Variants in PTPRN2 observed in about 807,000 individuals in gnomAD.
PTPRN2 encodes the protein receptor-type tyrosine-protein phosphatase N2.
PTPRN2 carries 74 observed loss-of-function variants against 118.8 expected under a neutral mutation model. That is an observed-to-expected ratio of 0.62 (90% CI 0.52 to 0.76). PTPRN2 has a LOEUF of 0.76. PTPRN2 is among the 30% of genes least tolerant of loss of function. PTPRN2 has a pLI of 0.00. For missense variants in PTPRN2, 1,481 were observed against 1,394.4 expected (o/e 1.06, Z -0.99); for synonymous variants, 641 against 608.0 (o/e 1.05, Z -0.80).
At chr7:157,595,001 A>G (rs1267956716) in intron 17 of PTPRN2, among the ~76,000 whole-genome samples, 1 of 152,226 alleles carries the variant, frequency 6.6e-6, no homozygotes, top group East Asian at 1.9e-4. Flanking sequence ...AAAGTGGCTT[A>G]AAAGTAATGA....
chr7:158,239,270 A>G (rs1795760608), intron 3 of PTPRN2, among the ~76,000 whole-genome samples: 1 of 152,210 alleles, frequency 6.6e-6, no homozygotes, highest in Admixed American at 6.5e-5. Flanking sequence ...TGTGCAGGGA[A>G]GAGTCAGCAG....
At chr7:158,110,114 G>A (rs1034791770) in intron 10 of PTPRN2, among the ~76,000 whole-genome samples, 8 of 152,206 alleles carry the variant, frequency 5.3e-5, no homozygotes, top group East Asian at 1.9e-4. Flanking sequence ...AGCCCGGGCC[G>A]GCCTCTTGTC....
At chr7:157,781,161 C>T (rs777863682) in intron 12 of PTPRN2, among the ~76,000 whole-genome samples, 10 of 152,210 alleles carry the variant, frequency 6.6e-5, no homozygotes, top group Non-Finnish European at 1.5e-4. Context: ...TGCCACAGCC[C>T]TGACCCCACA....
chr7:158,279,730 G>A (rs891654081), intron 3 of PTPRN2, among the ~76,000 whole-genome samples: 1 of 152,104 alleles, frequency 6.6e-6, no homozygotes, highest in African/African-American at 2.4e-5. Flanking sequence ...ACACCTCCCC[G>A]CAAGCAGAGG....
intron 14 of PTPRN2, among the ~76,000 whole-genome samples, chr7:157,649,462 C>T (rs199958431): frequency 5.1e-5 from 6 of 117,824 alleles, no homozygotes; most frequent in Admixed American, 8.9e-5. Flanking sequence ...ACCCATCTAG[C>T]GTGCACTGAA....
chr7:157,616,937 G>T (rs1802810404), intron 15 of PTPRN2: 1 of 152,156 alleles, frequency 6.6e-6, no homozygotes, highest in African/African-American at 2.4e-5. Flanking sequence ...TAGCCAAAGT[G>T]CTTCAGCCCT....
At position 157,800,374 on chromosome 7, in the gene PTPRN2, C is replaced by T. The variant is rs537037621; in HGVS notation, c.1788+98299G>A. 2.6e-4 allele frequency among the ~76,000 whole-genome samples: 40 copies of T among 152,344 alleles called. No individual in the cohort carries two copies. The Middle Eastern group carries it at 0.01, about 39-fold the overall frequency. On this transcript the variant is annotated intron_variant, in intron 12 of 22. Transcript: ENST00000389418. ...ATTACCCGGTCACTATAGTGCCTGT[C>T]CCTTCTCCGCGACAAGGGGACCCCT...
At chr7:157,860,378 C>G (rs1442059731) in intron 12 of PTPRN2, among the ~76,000 whole-genome samples, 2 of 152,248 alleles carry the variant, frequency 1.3e-5, no homozygotes, top group Non-Finnish European at 2.9e-5. Context: ...CTTCGCGCCT[C>G]TCCAGGAGCT....
chr7:157,545,502 T>A (rs1798270111), intron 22 of PTPRN2, among the ~76,000 whole-genome samples: 1 of 151,944 alleles, frequency 6.6e-6, no homozygotes. Flanking sequence ...TGTGCAGGTG[T>A]GTGGGTGTAC....
At chr7:158,387,732 C>T (rs997468191) in intron 2 of PTPRN2, among the ~76,000 whole-genome samples, 2 of 152,130 alleles carry the variant, frequency 1.3e-5, no homozygotes, top group African/African-American at 2.4e-5. Flanking sequence ...AGAGCCAGGG[C>T]GAAGTTTCCT....
At chr7:158,091,701 G>A (rs2128945360) in intron 10 of PTPRN2, among the ~76,000 whole-genome samples, 1 of 145,612 alleles carries the variant, frequency 6.9e-6, no homozygotes, top group Admixed American at 6.8e-5. Context: ...TGAGGGACAG[G>A]TGATAGATAG....
chr7:158,326,833 T>A (rs2151132397), intron 2 of PTPRN2, among the ~76,000 whole-genome samples: 1 of 10,640 alleles, frequency 9.4e-5, no homozygotes, highest in South Asian at 2.4e-3. Flanking sequence ...TCACACATGC[T>A]CTCACATGCA....
chr7:157,985,918 G>A (rs1803750372), intron 11 of PTPRN2, among the ~76,000 whole-genome samples: 1 of 151,792 alleles, frequency 6.6e-6, no homozygotes, highest in Non-Finnish European at 1.5e-5. Flanking sequence ...AGGGAGACCA[G>A]CCAGACAGCC....
At chr7:157,812,551 T>C (rs1358848072) in intron 12 of PTPRN2, among the ~76,000 whole-genome samples, 1 of 152,212 alleles carries the variant, frequency 6.6e-6, no homozygotes, top group Non-Finnish European at 1.5e-5. Context: ...TTTGGAGTTT[T>C]TCTTAATGGT....
chr7:157,766,433 T>C (rs1372880154), intron 12 of PTPRN2, among the ~76,000 whole-genome samples: 1 of 151,664 alleles, frequency 6.6e-6, no homozygotes. Flanking sequence ...CATCCATCCA[T>C]CCATGCATCC....
intron 10 of PTPRN2, among the ~76,000 whole-genome samples, chr7:158,098,889 T>C (rs923570335): frequency 2.6e-5 from 4 of 151,758 alleles, no homozygotes; most frequent in Admixed American, 2.0e-4. Flanking sequence ...AAGGTGACAG[T>C]GCGGGGTGCA....
chr7:158,044,420 A>G (rs1229473720), intron 11 of PTPRN2, among the ~76,000 whole-genome samples: 1 of 152,198 alleles, frequency 6.6e-6, no homozygotes, highest in Non-Finnish European at 1.5e-5. Flanking sequence ...ATTCATAAAA[A>G]CAAAGCAAGC....
At chr7:158,040,567 G>C (rs984793410) in intron 11 of PTPRN2, among the ~76,000 whole-genome samples, 2 of 152,162 alleles carry the variant, frequency 1.3e-5, no homozygotes, top group African/African-American at 4.8e-5. Flanking sequence ...AGGAAGAAGC[G>C]AGTAGAGAAT....
chr7:157,862,190 A>G (rs1419989702), intron 12 of PTPRN2, among the ~76,000 whole-genome samples: 2 of 152,270 alleles, frequency 1.3e-5, no homozygotes, highest in African/African-American at 4.8e-5. Context: ...CTACTGCAGC[A>G]CGGTGCCTCC....
Sources: allele counts gnomAD v4.1 joint callset (sites outside exome capture counted in the v4.1 genomes callset), GRCh38; gene constraint gnomAD v4.1.1; transcripts MANE v1.5; gene names NCBI Gene and HGNC (gene_info 2026-07-23, HGNC 2026-07-21).